Variants in SLC1A3 observed in about 807,000 individuals in gnomAD.
SLC1A3 encodes solute carrier family 1 member 3.
SLC1A3 carries 21 observed loss-of-function variants against 48.1 expected under a neutral mutation model. The ratio of observed to expected loss-of-function variants is 0.44; its 90% CI spans 0.31 to 0.63. The LOEUF (loss-of-function observed/expected upper bound fraction) is 0.63, where lower values mean the gene tolerates loss of function less well. SLC1A3 is among the 20% of genes least tolerant of loss of function. The pLI is 0.08. For synonymous variants in SLC1A3, 239 were observed against 251.4 expected (o/e 0.95, Z 0.47); for missense variants, 546 against 689.0 (o/e 0.79, Z 2.32).
intron 3 of SLC1A3, chr5:36,629,899 C>G (rs1251302821): frequency 1.0e-5 from 4 of 387,862 alleles, no homozygotes; most frequent in African/African-American, 8.3e-5. Context: ...TAGTTGACAA[C>G]AGCGTACAAC....
At chr5:36,628,180 T>G (rs569588380) in intron 2 of SLC1A3, among the ~76,000 whole-genome samples, 2 of 152,322 alleles carry the variant, frequency 1.3e-5, no homozygotes, top group South Asian at 4.1e-4. Context: ...CAGCTGGATT[T>G]TTTTTAGCCA....
chr5:36,650,085 T>C (rs1740999068), intron 3 of SLC1A3, among the ~76,000 whole-genome samples: 1 of 152,214 alleles, frequency 6.6e-6, no homozygotes, highest in South Asian at 2.1e-4. Flanking sequence ...TCAGTCTACC[T>C]TACTGTTTTG....
At chr5:36,682,713 G>C (rs1742486834) in intron 8 of SLC1A3, among the ~76,000 whole-genome samples, 1 of 152,202 alleles carries the variant, frequency 6.6e-6, no homozygotes, top group Non-Finnish European at 1.5e-5. Flanking sequence ...ACCACCCCCA[G>C]ATTTTAGTCA....
At position 36,676,894 on chromosome 5, in the gene SLC1A3, T is replaced by A; in HGVS notation, c.570T>A (p.Phe190Leu). The A allele has an allele frequency of 6.2e-7, 1 of 1,612,230 alleles. No homozygotes were observed. The highest frequency in any genetic ancestry group is 1.1e-5 in the South Asian group (1 of 90,746). ...PNLVEACFKQ[F>L]KTNYEKRSFK... ...TCGTTGTGCTTTTTATTTTTAAGTT[T>A]AAAACCAACTATGAGAAGAGAAGCT... The change falls in exon 6 of 10, where the codon TTT becomes TTA. Residue 190 changes from phenylalanine to leucine, a missense_variant and splice_region_variant. By Grantham distance (22) the Phe-to-Leu change is conservative. This residue lies in a region of SLC1A3 where 348 missense variants were observed against 392.0 expected (regional missense o/e 0.89). Coordinates refer to ENST00000265113, the MANE Select transcript of SLC1A3 (RefSeq NM_004172.5).
intron 4 of SLC1A3, among the ~76,000 whole-genome samples, chr5:36,672,567 A>T (rs1742040840): frequency 6.6e-6 from 1 of 152,162 alleles, no homozygotes; most frequent in Admixed American, 6.5e-5. Context: ...TGATCTTCTG[A>T]AGGAAATTCC....
intron 1 of SLC1A3, chr5:36,607,175 A>G (rs937406389): frequency 6.6e-6 from 1 of 152,226 alleles, no homozygotes; most frequent in Admixed American, 6.5e-5. Context: ...TTTAAAAGGC[A>G]AACTGTTAAG....
intron 1 of SLC1A3, among the ~76,000 whole-genome samples, chr5:36,598,788 AT>A (rs1738772034): frequency 1.3e-5 from 2 of 151,864 alleles, no homozygotes; most frequent in African/African-American, 4.8e-5. Flanking sequence ...TGCCCAGCTA[AT>A]TTTTGTATTT....
intron 3 of SLC1A3, among the ~76,000 whole-genome samples, chr5:36,645,614 C>T (rs1215422561): frequency 6.6e-6 from 1 of 151,942 alleles, no homozygotes; most frequent in Non-Finnish European, 1.5e-5. Flanking sequence ...TGTGAGCCAC[C>T]GCGCCCGGCC....
At chr5:36,621,593 G>T (rs1294000215) in intron 2 of SLC1A3, among the ~76,000 whole-genome samples, 1 of 152,282 alleles carries the variant, frequency 6.6e-6, no homozygotes, top group South Asian at 2.1e-4. Context: ...AATAAGGAGG[G>T]TGACTTTTTA....
intron 5 of SLC1A3, among the ~76,000 whole-genome samples, chr5:36,674,839 C>T (rs1167326238): frequency 1.3e-5 from 2 of 152,098 alleles, no homozygotes; most frequent in African/African-American, 4.8e-5. Context: ...GATGAGACAC[C>T]GACCTGGAGG....
chr5:36,663,962 T>C (rs1269392478), intron 3 of SLC1A3, among the ~76,000 whole-genome samples: 1 of 152,176 alleles, frequency 6.6e-6, no homozygotes. Context: ...ACAATGTCCA[T>C]AAAATTTCTG....
At chr5:36,685,959 G>A (rs937724619) in intron 9 of SLC1A3, 106 bp from the exon 10 acceptor site, 13 of 830,024 alleles carry the variant, frequency 1.6e-5, no homozygotes, top group South Asian at 1.4e-4. Flanking sequence ...TAGATACGGC[G>A]AACTGAATGT....
In SLC1A3 at chr5:36,683,752, T is replaced by C. The variant is rs891108142; in HGVS notation, c.1290-112T>C. The C allele has an allele frequency of 2.5e-6, 3 of 1,179,992 alleles. No homozygotes were observed. The African/African-American group carries it at 4.5e-5, about 18-fold the overall frequency. The allele number at this position is 1,179,992 out of a possible 1,614,324, so 73.1% of individuals were successfully genotyped here. On this transcript the variant is annotated intron_variant, in intron 8 of 9. Transcript: ENST00000265113. ...TTTACGTTTTTTCTGAAGCGCGTCC[T>C]CTTGTGTTACATGGCAAGTCAGGCA...
At chr5:36,685,968 G>T in intron 9 of SLC1A3, 97 bp from the exon 10 acceptor site, 1 of 892,766 alleles carries the variant, frequency 1.1e-6, no homozygotes, top group Non-Finnish European at 1.9e-6. Flanking sequence ...CGAACTGAAT[G>T]TTAAGAGGTG....
chr5:36,615,702 T>G (rs1295306560), intron 2 of SLC1A3, among the ~76,000 whole-genome samples: 1 of 152,208 alleles, frequency 6.6e-6, no homozygotes, highest in Non-Finnish European at 1.5e-5. Context: ...CCTAACCTGT[T>G]TAGAGGAGGC....
At chr5:36,609,256 A>G in intron 2 of SLC1A3, 1 of 938,530 alleles carries the variant, frequency 1.1e-6, no homozygotes, top group Non-Finnish European at 1.3e-6. Context: ...AGCAATCTGT[A>G]CTAATAAAAT....
rs1426779466 is a variant in SLC1A3, at chr5:36,646,770, A to G, written c.319+17183A>G. Among the ~76,000 whole-genome samples the G allele has an allele frequency of 5.3e-5, 8 of 152,202 alleles. No homozygotes were observed. In the East Asian group the frequency reaches 1.5e-3, roughly 29 times the overall value. The stretch of plus-strand genomic sequence containing the variant: ...TCATATTTGTGGTCTCTCTAGAGAG[A>G]CAATTCCGTAAGTGGTTCCTAAGCC... On this transcript the variant is annotated intron_variant, in intron 3 of 9. Coordinates refer to ENST00000265113, the MANE Select transcript of SLC1A3 (RefSeq NM_004172.5).
intron 2 of SLC1A3, chr5:36,612,996 A>G (rs574452118): frequency 5.4e-6 from 2 of 368,152 alleles, no homozygotes; most frequent in Admixed American, 6.3e-5. Context: ...GGTGGACTGC[A>G]GACCAATGGC....
intron 3 of SLC1A3, among the ~76,000 whole-genome samples, chr5:36,637,098 C>CAAT (rs1173814028): frequency 6.6e-6 from 1 of 152,172 alleles, no homozygotes; most frequent in African/African-American, 2.4e-5. Context: ...TGCCTGTTCT[C>CAAT]CAGGACTTCC....
Sources: gnomAD v4.1 joint callset for allele counts (sites outside exome capture counted in the v4.1 genomes callset) on GRCh38, gnomAD v4.1.1 for gene constraint, gnomAD v4.1.1 regional missense constraint, MANE v1.5 for transcripts, NCBI Gene and HGNC (gene_info 2026-07-23, HGNC 2026-07-21) for gene names.